The following TMEFF2 variants were observed in gnomAD, a reference collection of about 807,000 sequenced individuals.
TMEFF2 encodes tomoregulin-2.
TMEFF2 carries 28 observed loss-of-function variants against 53.8 expected under a neutral mutation model. The ratio of observed to expected loss-of-function variants is 0.52; its 90% CI spans 0.39 to 0.71. TMEFF2 has a LOEUF of 0.71. TMEFF2 is among the 30% of genes least tolerant of loss of function. The probability of loss-of-function intolerance (pLI) is 0.00; values close to 1 mark genes in which losing one functional copy is unlikely to be tolerated. For missense variants in TMEFF2, 353 were observed against 455.2 expected, an observed-to-expected ratio of 0.78 and a Z score of 2.04; for synonymous variants, 162 against 166.3, an observed-to-expected ratio of 0.97 and a Z score of 0.20.
intron 5 of TMEFF2, chr2:192,044,204 A>G (rs933341242): frequency 1.3e-5 from 2 of 152,124 alleles, no homozygotes; most frequent in Non-Finnish European, 2.9e-5. Context: ...AATCTTTATC[A>G]CCTTTCCCTT....
At chr2:192,009,540 A>C (rs1686577835) in intron 5 of TMEFF2, among the ~76,000 whole-genome samples, 1 of 152,192 alleles carries the variant, frequency 6.6e-6, no homozygotes. Flanking sequence ...AACTGATACC[A>C]AATGTTTATC....
intron 4 of TMEFF2, among the ~76,000 whole-genome samples, chr2:192,060,819 CTTTTA>C (rs750285170): frequency 7.9e-5 from 12 of 152,024 alleles, no homozygotes; most frequent in South Asian, 2.1e-4. Context: ...ATTGTAAGCT[CTTTTA>C]TTTTGAGTTG....
intron 5 of TMEFF2, 49 bp from the exon 6 acceptor site, chr2:191,999,257 C>G (rs1308852419): frequency 1.4e-6 from 2 of 1,411,066 alleles, no homozygotes; most frequent in Admixed American, 2.2e-5. Context: ...GTGTTGTTAC[C>G]ACATTATAAA....
At chr2:192,158,983 A>AC (rs1325827957) in intron 4 of TMEFF2, among the ~76,000 whole-genome samples, 1 of 152,058 alleles carries the variant, frequency 6.6e-6, no homozygotes, top group African/African-American at 2.4e-5. Flanking sequence ...ATGACTACAG[A>AC]CCATACCTTC....
chr2:192,047,483 A>G (rs1293836132), intron 5 of TMEFF2, among the ~76,000 whole-genome samples: 1 of 152,184 alleles, frequency 6.6e-6, no homozygotes, highest in African/African-American at 2.4e-5. Flanking sequence ...TACTGTGTCA[A>G]AGACTTTGAA....
intron 2 of TMEFF2, among the ~76,000 whole-genome samples, chr2:192,189,701 T>A (rs1020373634): frequency 6.6e-5 from 10 of 152,012 alleles, no homozygotes; most frequent in African/African-American, 2.2e-4. Context: ...CACCAAAAAC[T>A]CAAATTCATG....
Position 192,057,709 on chromosome 2 carries a change from G to A in TMEFF2, c.506C>T (p.Ala169Val). 6.2e-7 allele frequency: 1 copy of A among 1,614,018 alleles called. No individual in the cohort carries two copies. Among genetic ancestry groups the A allele is most frequent in the Non-Finnish European group, 8.5e-7 (1 of 1,179,926 alleles). ...ATCCTCGGCATCTTCGTCACATTCT[G>A]CACCAAACTGGCAAATATCACAGGT... is the stretch of plus-strand genomic sequence containing the variant. ...TSTCDICQFG[A>V]ECDEDAEDVW... The change falls in exon 5 of 10, where the codon GCA becomes GTA. Residue 169 changes from alanine (A) to valine (V), a missense_variant. Coordinates refer to ENST00000272771, the MANE Select transcript of TMEFF2 (RefSeq NM_016192.4).
chr2:192,165,739 C>T (rs565956635), intron 4 of TMEFF2, among the ~76,000 whole-genome samples: 8 of 120,550 alleles, frequency 6.6e-5, no homozygotes, highest in East Asian at 2.4e-4. Context: ...GTCTTGTCTC[C>T]GAGGTAAAAA....
chr2:191,977,662 T>C (rs1170360298), intron 7 of TMEFF2, among the ~76,000 whole-genome samples: 1 of 152,158 alleles, frequency 6.6e-6, no homozygotes, highest in African/African-American at 2.4e-5. Flanking sequence ...TAGGTTTAGG[T>C]CATTTCTCAA....
intron 5 of TMEFF2, among the ~76,000 whole-genome samples, chr2:192,048,896 T>C (rs1284127744): frequency 6.6e-6 from 1 of 152,204 alleles, no homozygotes; most frequent in Middle Eastern, 3.2e-3. Context: ...TCTCATCTGA[T>C]TGGATGCATG....
At chr2:191,968,309 G>GA (rs1289320853) in intron 7 of TMEFF2, among the ~76,000 whole-genome samples, 3 of 152,202 alleles carry the variant, frequency 2.0e-5, no homozygotes, top group Admixed American at 6.5e-5. Flanking sequence ...GAAGTCACAA[G>GA]AAAGGTAACA....
At chr2:192,024,171 A>G (rs572814014) in intron 5 of TMEFF2, among the ~76,000 whole-genome samples, 1 of 152,328 alleles carries the variant, frequency 6.6e-6, no homozygotes, top group Admixed American at 6.5e-5. Flanking sequence ...TATCATAAAT[A>G]CTAAAATAGA....
chr2:192,127,734 ATAAG>A (rs1424314079), intron 4 of TMEFF2, among the ~76,000 whole-genome samples: 1 of 152,218 alleles, frequency 6.6e-6, no homozygotes, highest in Admixed American at 6.5e-5. Context: ...TAAATCTTAA[ATAAG>A]TTAGTTCAAT....
intron 4 of TMEFF2, among the ~76,000 whole-genome samples, chr2:192,109,586 G>T (rs551888633): frequency 3.2e-4 from 48 of 152,200 alleles, no homozygotes; most frequent in African/African-American, 9.9e-4. Flanking sequence ...TAAGTAGACA[G>T]CTTCAAGACA....
At chr2:192,021,843 G>A (rs1686867472) in intron 5 of TMEFF2, 1 of 152,154 alleles carries the variant, frequency 6.6e-6, no homozygotes, top group South Asian at 2.1e-4. Context: ...TACGAAAAAA[G>A]CAAATACAGG....
intron 4 of TMEFF2, among the ~76,000 whole-genome samples, chr2:192,126,180 G>C (rs1037627363): frequency 9.2e-5 from 14 of 152,132 alleles, no homozygotes; most frequent in Non-Finnish European, 1.9e-4. Context: ...TACGCACCAT[G>C]AATTACCGTT....
intron 7 of TMEFF2, among the ~76,000 whole-genome samples, chr2:191,964,474 C>A (rs4591298): frequency 0.026 from 3,929 of 148,732 alleles, 192 homozygotes; most frequent in African/African-American, 0.092. Flanking sequence ...GGGCCAATCC[C>A]TCATGAATCT....
At chr2:192,108,319 T>C (rs1689197859) in intron 4 of TMEFF2, among the ~76,000 whole-genome samples, 1 of 151,896 alleles carries the variant, frequency 6.6e-6, no homozygotes, top group African/African-American at 2.4e-5. Context: ...GGATGCAATA[T>C]TCATATGGAT....
At chr2:192,148,497 T>C (rs1323355923) in intron 4 of TMEFF2, among the ~76,000 whole-genome samples, 1 of 151,982 alleles carries the variant, frequency 6.6e-6, no homozygotes, top group African/African-American at 2.4e-5. Context: ...CTGAAGAACA[T>C]CTCTGGAGTA....
Sources: gnomAD v4.1 joint callset for allele counts (sites outside exome capture counted in the v4.1 genomes callset) on GRCh38, gnomAD v4.1.1 for gene constraint, MANE v1.5 for transcripts, NCBI Gene and HGNC (gene_info 2026-07-23, HGNC 2026-07-21) for gene names.